Variants in ZNF516 observed in about 807,000 individuals in gnomAD.
The protein encoded by ZNF516 is zinc finger protein 516.
ZNF516 carries 19 observed loss-of-function variants against 79.7 expected under a neutral mutation model. The ratio of observed to expected loss-of-function variants is 0.24; its 90% CI spans 0.17 to 0.35. The LOEUF is 0.35. Among genes scored for constraint, ZNF516 ranks in the 10% least tolerant of loss-of-function variants. The probability of loss-of-function intolerance (pLI) is 1.00; values close to 1 mark genes in which losing one functional copy is unlikely to be tolerated. For missense variants in ZNF516, 1,678 were observed against 1,679.5 expected, an observed-to-expected ratio of 1.00 and a Z score of 0.02; for synonymous variants, 877 against 739.5, an observed-to-expected ratio of 1.19 and a Z score of -3.02.
chr18:76,460,666 T>C (rs1913043890), intron 2 of ZNF516, among the ~76,000 whole-genome samples: 1 of 152,120 alleles, frequency 6.6e-6, no homozygotes, highest in African/African-American at 2.4e-5. Context: ...GAAAGACAAG[T>C]AGACAGCTCT....
Position 76,443,073 on chromosome 18 carries a change from CGGTG to C in ZNF516, c.-23_-20del. ...GATCCATCCGAAGGACGGGCGCGGC[CGGTG>C]GTGGCGGCACAGCTTTCTGTCGCGC... On this transcript the variant is annotated 5_prime_UTR_variant, in exon 3 of 7. Transcript: ENST00000443185. 6.4e-7 allele frequency: 1 copy of C among 1,559,622 alleles called. No homozygotes were observed. Among genetic ancestry groups the C allele is most frequent in the Non-Finnish European group, 8.6e-7 (1 of 1,159,780 alleles).
In ZNF516 at chr18:76,442,430, T is replaced by C. The variant is rs1911741084; in HGVS notation, c.625A>G (p.Thr209Ala). 2 of 1,606,830 alleles carry C rather than the reference T, an allele frequency of 1.2e-6. No individual in the cohort carries two copies. The highest frequency in any genetic ancestry group is 1.7e-6 in the Non-Finnish European group (2 of 1,179,630). The change falls in exon 3 of 7, where the codon ACG becomes GCG. Residue 209 changes from threonine (T) to alanine (A), a missense_variant. Coordinates refer to ENST00000443185, the MANE Select transcript of ZNF516 (RefSeq NM_014643.4). ...CTCAGCAGCGACTCCTCCCGCAGCGTCGCGTAGCTGCACAGCCTGCACTTG... is the reference window on the plus strand; with the variant it reads ...CTCAGCAGCGACTCCTCCCGCAGCGCCGCGTAGCTGCACAGCCTGCACTTG... The part of the protein sequence containing the change: ...PFKCRLCSYA[T>A]LREESLLSHI...
intron 6 of ZNF516, among the ~76,000 whole-genome samples, chr18:76,364,439 G>A (rs944276651): frequency 6.6e-6 from 1 of 152,190 alleles, no homozygotes; most frequent in African/African-American, 2.4e-5. Context: ...TTGTCTTCCT[G>A]GAAGGGAAAG....
Position 76,360,646 on chromosome 18 carries a change from A to ATATATATAT in ZNF516, c.*1851_*1852insATATATATA, listed in dbSNP as rs1555693935. 10 of 72,462 alleles carry ATATATATAT rather than the reference A, an allele frequency of 1.4e-4. No homozygotes were observed. Among genetic ancestry groups the ATATATATAT allele is most frequent in the East Asian group, 3.3e-4 (1 of 3,046 alleles). 4.5% of individuals were successfully genotyped at this position (72,462 alleles called of 1,614,324 possible). On this transcript the variant is annotated 3_prime_UTR_variant, in exon 7 of 7. Transcript: ENST00000443185. ...AAAAAAATAAGTAAAAAAAAAAAAA[A>ATATATATAT]ATATATATATATATATATATATATA... is the stretch of plus-strand genomic sequence containing the variant.
At position 76,441,640 on chromosome 18, in the gene ZNF516, G is replaced by A. The variant is rs747341112; in HGVS notation, c.1415C>T (p.Ala472Val). The change falls in exon 3 of 7, where the codon GCC (alanine) becomes GTC (valine). Residue 472 changes from alanine to valine, a missense_variant. Transcript: ENST00000443185. ...GCGCTTCCGCGGGGGCCCCTGCGCGGCTGGTGCATCCTGCTCACGCTTGCG... is the reference window on the plus strand; with the variant it reads ...GCGCTTCCGCGGGGGCCCCTGCGCGACTGGTGCATCCTGCTCACGCTTGCG... Reference protein sequence around the residue: ...EKRKREQDAPAAQGPPRKRAS... With the variant: ...EKRKREQDAPVAQGPPRKRAS... 1.1e-5 allele frequency: 17 copies of A among 1,530,168 alleles called. No homozygotes were observed. Among genetic ancestry groups the A allele is most frequent in the South Asian group, 6.0e-5 (5 of 83,294 alleles). The allele number at this position is 1,530,168 out of a possible 1,614,324, so 94.8% of individuals were successfully genotyped here. A position where few individuals can be genotyped will look rare whatever the true frequency, so the allele number is the denominator to read the frequency against.
At chr18:76,436,349 G>C (rs1323712811) in intron 3 of ZNF516, among the ~76,000 whole-genome samples, 1 of 152,096 alleles carries the variant, frequency 6.6e-6, no homozygotes, top group Non-Finnish European at 1.5e-5. Context: ...CCTACACTTG[G>C]AACTTCCCTT....
At chr18:76,481,533 C>T (rs1345622436) in intron 1 of ZNF516, among the ~76,000 whole-genome samples, 1 of 152,174 alleles carries the variant, frequency 6.6e-6, no homozygotes, top group Non-Finnish European at 1.5e-5. Flanking sequence ...AAGGGAATGG[C>T]CCAAAAGGTG....
chr18:76,442,893 G>A lies in ZNF516; in HGVS notation c.162C>T (p.Arg54=), dbSNP rs1398740619. 1.5e-5 allele frequency: 25 copies of A among 1,613,774 alleles called. No homozygotes were observed. Among genetic ancestry groups the A allele is most frequent in the Non-Finnish European group, 2.1e-5 (25 of 1,179,836 alleles). ...PFQSSLSQHM[R]KHTGEKPYKC... ...TGTAGGGCTTCTCGCCCGTGTGCTT[G>A]CGCATGTGCTGCGAAAGCGAGCTCT... Residue 54 remains arginine, a synonymous_variant, in exon 3 of 7, where the codon CGC becomes CGT. Coordinates refer to ENST00000443185, the MANE Select transcript of ZNF516 (RefSeq NM_014643.4).
intron 3 of ZNF516, among the ~76,000 whole-genome samples, chr18:76,429,073 C>G (rs960012950): frequency 2.0e-5 from 3 of 152,188 alleles, no homozygotes; most frequent in Non-Finnish European, 4.4e-5. Context: ...CTCTCCCTCC[C>G]GGGGACAAGA....
At position 76,464,169 on chromosome 18, in the gene ZNF516, C is replaced by CAAA. The variant is rs566545722; in HGVS notation, c.-271-1031_-271-1029dup. 3.5e-3 allele frequency among the ~76,000 whole-genome samples: 521 copies of CAAA among 150,454 alleles called. 5 individuals are homozygous for CAAA. The highest frequency in any genetic ancestry group is 0.022 in the South Asian group (106 of 4,776). Reference sequence around the variant, plus strand: ...TAAAACCCCGTCTGTACTAAAAATACAAAAAAAAATTTTAGTACTTTAAAA... The same window carrying CAAA: ...TAAAACCCCGTCTGTACTAAAAATACAAAAAAAAAAAATTTTAGTACTTTAAAA... On this transcript the variant is annotated intron_variant, in intron 1 of 6. Transcript: ENST00000443185.
chr18:76,494,985 C>T (rs1174513153), intron 1 of ZNF516, among the ~76,000 whole-genome samples, 159 bp downstream of exon 1: 1 of 150,350 alleles, frequency 6.7e-6, no homozygotes, highest in Non-Finnish European at 1.5e-5. Flanking sequence ...TCCCCGCGCC[C>T]GGGGGGCCCC....
intron 3 of ZNF516, chr18:76,385,868 G>A (rs903599475): frequency 2.6e-5 from 4 of 152,042 alleles, no homozygotes; most frequent in Non-Finnish European, 5.9e-5. Flanking sequence ...CGGCCCCGGT[G>A]CCAGGACCCT....
chr18:76,407,630 C>G (rs2075320551), intron 3 of ZNF516, among the ~76,000 whole-genome samples: 1 of 152,256 alleles, frequency 6.6e-6, no homozygotes, highest in African/African-American at 2.4e-5. Flanking sequence ...TCTAGCAACA[C>G]TGCCATTTCC....
rs1019497955 is a variant in ZNF516 at position 76,451,713 on chromosome 18, T to C, written c.-157-8502A>G. Among the ~76,000 whole-genome samples, 1 of 152,154 alleles carries C rather than the reference T, an allele frequency of 6.6e-6. No homozygotes were observed. The highest frequency in any genetic ancestry group is 2.4e-5 in the African/African-American group (1 of 41,434). On this transcript the variant is annotated intron_variant, in intron 2 of 6. Transcript: ENST00000443185. The surrounding 1 kb of genome is among the most constrained non-coding windows in gnomAD (Gnocchi z 6.0). Reference sequence around the variant, plus strand: ...TGTGTGTTTGTTCTCCGGGAAACAATGAGACGGGCTTCACTAGTTACACTG... The same window carrying C: ...TGTGTGTTTGTTCTCCGGGAAACAACGAGACGGGCTTCACTAGTTACACTG...
At chr18:76,408,992 T>C (rs1158455620) in intron 3 of ZNF516, among the ~76,000 whole-genome samples, 2 of 152,148 alleles carry the variant, frequency 1.3e-5, no homozygotes, top group African/African-American at 4.8e-5. Flanking sequence ...TTCTTATCTA[T>C]CTAACCTTCA....
chr18:76,407,796 C>A (rs916008888), intron 3 of ZNF516, among the ~76,000 whole-genome samples: 1 of 152,236 alleles, frequency 6.6e-6, no homozygotes, highest in African/African-American at 2.4e-5. Context: ...CCTCATGGGG[C>A]CCATGGGCTC....
chr18:76,477,884 A>AC (rs1484183925), intron 1 of ZNF516, among the ~76,000 whole-genome samples: 1 of 152,120 alleles, frequency 6.6e-6, no homozygotes, highest in African/African-American at 2.4e-5. Flanking sequence ...GCTTTGAGTT[A>AC]CTTCACTCTT....
intron 3 of ZNF516, among the ~76,000 whole-genome samples, chr18:76,406,410 A>G (rs690461): frequency 0.57 from 86,613 of 151,892 alleles, 24,837 homozygotes; most frequent in South Asian, 0.68. Context: ...CTAAAAATAC[A>G]AAAATTAGCC....
Position 76,467,730 on chromosome 18 carries a change from A to G in ZNF516, c.-271-4589T>C, listed in dbSNP as rs1039503687. On this transcript the variant is annotated intron_variant, in intron 1 of 6. Coordinates refer to ENST00000443185, the MANE Select transcript of ZNF516 (RefSeq NM_014643.4). This position sits in a 1 kb window ranked among gnomAD's most constrained non-coding sequence, Gnocchi z 4.2. ...TGGGCTGCCTCATTTTCAAAGCAGAAGTTTAGCAATTTCCTGCATTTGCAG... is the reference window on the plus strand; with the variant it reads ...TGGGCTGCCTCATTTTCAAAGCAGAGGTTTAGCAATTTCCTGCATTTGCAG... Among the ~76,000 whole-genome samples, 6 of 152,222 alleles carry G rather than the reference A, an allele frequency of 3.9e-5. No homozygotes were observed. Among genetic ancestry groups the G allele is most frequent in the Admixed American group, 3.9e-4 (6 of 15,286 alleles).
Sources: gnomAD v4.1 joint callset for allele counts (sites outside exome capture counted in the v4.1 genomes callset) on GRCh38, gnomAD v4.1.1 for gene constraint, Gnocchi (gnomAD v3.1) non-coding constraint, MANE v1.5 for transcripts, NCBI Gene and HGNC (gene_info 2026-07-23, HGNC 2026-07-21) for gene names.